Variants in CELSR2 observed in about 807,000 individuals in gnomAD.
CELSR2 encodes the protein cadherin EGF LAG seven-pass G-type receptor 2.
A neutral mutation model predicts 251.6 loss-of-function variants in CELSR2; 81 were observed. The observed-to-expected ratio is 0.32, with a 90% confidence interval of 0.27 to 0.39. The LOEUF is 0.39. Ranked by LOEUF, CELSR2 falls within the 10% of genes least tolerant of loss-of-function variation. The pLI is 1.00. For missense variants in CELSR2, 3,365 were observed against 3,947.7 expected (o/e 0.85, Z 3.96); for synonymous variants, 1,721 against 1,670.5 (o/e 1.03, Z -0.74).
rs1473629243 is a variant in CELSR2, at chr1:109,272,984, G to A, written c.8295G>A (p.Leu2765=). 6.2e-7 allele frequency: 1 copy of A among 1,613,810 alleles called. No individual in the cohort carries two copies. The highest frequency in any genetic ancestry group is 1.3e-5 in the African/African-American group (1 of 74,940). The part of the protein sequence containing the change: ...FPGEQGWDSL[L]GPGAERLPLH... ...GAGAGCAGGGCTGGGATAGCCTGCT[G>A]GGGCCTGGAGCAGAGAGACTGCCCC... Residue 2765 remains leucine, a synonymous_variant, in exon 31 of 34, where the codon CTG becomes CTA. Coordinates refer to ENST00000271332, the MANE Select transcript of CELSR2 (RefSeq NM_001408.3).
rs1656441815 is a variant in CELSR2, at chr1:109,273,650, T to C, written c.8724T>C (p.Asp2908=). 1.3e-6 allele frequency: 2 copies of C among 1,485,770 alleles called. No individual in the cohort carries two copies. The highest frequency in any genetic ancestry group is 1.8e-6 in the Non-Finnish European group (2 of 1,112,966). The allele number at this position is 1,485,770 out of a possible 1,614,324, so 92.0% of individuals were successfully genotyped here. The change falls in exon 33 of 34, where the codon GAT becomes GAC. Residue 2908 remains aspartate, a synonymous_variant. Transcript: ENST00000271332. ...IAMSIKAGTV[D]EDSSGSEFLF... ...TGAGCATCAAGGCAGGCACGGTGGA[T>C]GAGGACTCGTCAGGCTCCGAGTGAG...
At position 109,274,249 on chromosome 1, in the gene CELSR2, C is replaced by G. The variant is rs895314347; in HGVS notation, c.*200C>G. On this transcript the variant is annotated 3_prime_UTR_variant, in exon 34 of 34. Coordinates refer to ENST00000271332, the MANE Select transcript of CELSR2 (RefSeq NM_001408.3). ...GGCCATCTAGTGCCAACTCCCCCCC[C>G]ACCATTCCCCTCACTGCACTTTGGA... The G allele has an allele frequency of 2.5e-5, 34 of 1,336,414 alleles. No individual in the cohort carries two copies. The highest frequency in any genetic ancestry group is 7.4e-5 in the African/African-American group (5 of 68,014). The allele number at this position is 1,336,414 out of a possible 1,614,324, so 82.8% of individuals were successfully genotyped here.
rs756145637 is a variant in CELSR2 at position 109,253,037 on chromosome 1, C to T, written c.2958C>T (p.Tyr986=). 5.1e-5 allele frequency: 82 copies of T among 1,613,482 alleles called. No homozygotes were observed. Among genetic ancestry groups the T allele is most frequent in the South Asian group, 4.0e-4 (36 of 91,080 alleles). ...TGACAGCCCTGGTAGACTTAGACTA[C>T]GAGGACCGGCCTGAGTACGTCCTGG... is the stretch of plus-strand genomic sequence containing the variant. The part of the protein sequence containing the change: ...GELTALVDLD[Y]EDRPEYVLVI... Residue 986 remains tyrosine, a synonymous_variant, in exon 1 of 34, where the codon TAC becomes TAT. Transcript: ENST00000271332.
chr1:109,255,121 C>A (rs1655807983), intron 1 of CELSR2, among the ~76,000 whole-genome samples: 1 of 152,208 alleles, frequency 6.6e-6, no homozygotes, highest in Admixed American at 6.5e-5. Flanking sequence ...AGCTCTGGCC[C>A]CACCCTCTCC....
chr1:109,262,724 G>A (rs1441934696), intron 6 of CELSR2, 82 bp from the exon 7 acceptor site: 2 of 1,568,184 alleles, frequency 1.3e-6, no homozygotes, highest in African/African-American at 1.3e-5. Flanking sequence ...CGCCGTTCGT[G>A]TCTCTGGCCT....
At chr1:109,262,708 T>C in intron 6 of CELSR2, 98 bp from the exon 7 acceptor site, 1 of 1,548,574 alleles carries the variant, frequency 6.5e-7, no homozygotes. Context: ...CTTGGACACC[T>C]GCCTACGCCG....
intron 1 of CELSR2, among the ~76,000 whole-genome samples, chr1:109,254,966 T>G (rs879708331): frequency 2.6e-5 from 4 of 152,240 alleles, no homozygotes; most frequent in African/African-American, 9.6e-5. Context: ...ACACCCAGCC[T>G]GCCTTTGGTG....
At chr1:109,260,970 G>A (rs1656003375) in intron 2 of CELSR2, 72 bp from the exon 3 acceptor site, 3 of 1,207,498 alleles carry the variant, frequency 2.5e-6, no homozygotes, top group African/African-American at 3.0e-5. Flanking sequence ...AGCTATCACT[G>A]GGTTGTGGGG....
chr1:109,249,901 C>T lies in CELSR2; in HGVS notation c.-179C>T, dbSNP rs1375624130. Reference sequence around the variant, plus strand: ...TCAGGGGGCAGTGGGAGCCCGGGCTCGTCGGAGGGTGCAGCGCGGGGTCCC... The same window carrying T: ...TCAGGGGGCAGTGGGAGCCCGGGCTTGTCGGAGGGTGCAGCGCGGGGTCCC... On this transcript the variant is annotated 5_prime_UTR_variant, in exon 1 of 34. Coordinates refer to ENST00000271332, the MANE Select transcript of CELSR2 (RefSeq NM_001408.3). The T allele has an allele frequency of 2.3e-5, 10 of 436,826 alleles. No homozygotes were observed. The highest frequency in any genetic ancestry group is 3.4e-5 in the Non-Finnish European group (10 of 295,430). The allele number at this position is 436,826 out of a possible 1,614,324, so 27.1% of individuals were successfully genotyped here.
In CELSR2 at chr1:109,269,387, T is replaced by C. The variant is rs752375435; in HGVS notation, c.6813-37T>C. 2 of 1,610,902 alleles carry C rather than the reference T, an allele frequency of 1.2e-6. No individual in the cohort carries two copies. The highest frequency in any genetic ancestry group is 2.2e-5 in the South Asian group (2 of 90,874). On this transcript the variant is annotated intron_variant, in intron 20 of 33. Coordinates refer to ENST00000271332, the MANE Select transcript of CELSR2 (RefSeq NM_001408.3). The surrounding 1 kb of genome is among the most constrained non-coding windows in gnomAD (Gnocchi z 6.4). ...GGGGGCGTCTCCCCAGTCATGTGAC[T>C]GCCGTGGTGACTGTGCACCTGACTG... is the stretch of plus-strand genomic sequence containing the variant.
At position 109,264,140 on chromosome 1, in the gene CELSR2, T is replaced by C. The variant is rs1470683264; in HGVS notation, c.5064T>C (p.Arg1688=). The change falls in exon 10 of 34, where the codon CGT becomes CGC. Residue 1688 remains arginine, a synonymous_variant. Transcript: ENST00000271332. ...CAGGGCTTCAGGCCTCCTCTCTCCGTCTGGAGCCAGGCCGGGCCAATGACG... is the reference window on the plus strand; with the variant it reads ...CAGGGCTTCAGGCCTCCTCTCTCCGCCTGGAGCCAGGCCGGGCCAATGACG... ...EGTGLQASSL[R]LEPGRANDGD... 2 of 1,606,550 alleles carry C rather than the reference T, an allele frequency of 1.2e-6. No homozygotes were observed. The highest frequency in any genetic ancestry group is 1.7e-6 in the Non-Finnish European group (2 of 1,174,412).
chr1:109,271,396 C>G lies in CELSR2; in HGVS notation c.7687C>G (p.Gln2563Glu). The G allele has an allele frequency of 6.2e-7, 1 of 1,612,954 alleles. No homozygotes were observed. The highest frequency in any genetic ancestry group is 8.5e-7 in the Non-Finnish European group (1 of 1,179,774). The change falls in exon 27 of 34, where the codon CAG becomes GAG. Residue 2563 changes from glutamine (Q) to glutamate (E), a missense_variant. Gln to Glu is a conservative substitution (Grantham distance 29). Coordinates refer to ENST00000271332, the MANE Select transcript of CELSR2 (RefSeq NM_001408.3). ...FEKKGPVSGL[Q>E]PSFAVLLLLS... is the part of the protein sequence containing the mutation. ...TGTCCCTATCCCCAGCTCGGGCCTGCAGCCCTCCTTCGCCGTCCTCCTGCT... is the reference window on the plus strand; with the variant it reads ...TGTCCCTATCCCCAGCTCGGGCCTGGAGCCCTCCTTCGCCGTCCTCCTGCT...
intron 1 of CELSR2, among the ~76,000 whole-genome samples, chr1:109,258,228 G>A (rs1273721169): frequency 6.6e-6 from 1 of 152,152 alleles, no homozygotes; most frequent in Non-Finnish European, 1.5e-5. Context: ...GTGCATCAGC[G>A]ACAGAAGGTT....
Position 109,269,555 on chromosome 1 carries a change from C to G in CELSR2, c.6944C>G (p.Thr2315Ser). The G allele has an allele frequency of 6.2e-7, 1 of 1,614,122 alleles. No homozygotes were observed. Among genetic ancestry groups the G allele is most frequent in the Non-Finnish European group, 8.5e-7 (1 of 1,180,026 alleles). ...CGCCTGCTGGAGACAGAGGAGCGGACCAAGCCCATCTGTGTCTTCTGGAAC... is the reference window on the plus strand; with the variant it reads ...CGCCTGCTGGAGACAGAGGAGCGGAGCAAGCCCATCTGTGTCTTCTGGAAC... ...QFRLLETEER[T>S]KPICVFWNHS... The change falls in exon 21 of 34, where the codon ACC (threonine) becomes AGC (serine). Residue 2315 changes from threonine (T) to serine (S), a missense_variant. By Grantham distance (58) the Thr-to-Ser change is moderately conservative. This residue lies in a region of CELSR2 where 2,093 missense variants were observed against 2,382.8 expected (regional missense o/e 0.88). Coordinates refer to ENST00000271332, the MANE Select transcript of CELSR2 (RefSeq NM_001408.3). The surrounding 1 kb of genome is among the most constrained non-coding windows in gnomAD (Gnocchi z 6.4).
chr1:109,271,606 T>G lies in CELSR2; in HGVS notation c.7810T>G (p.Phe2604Val). ...GCTGCCTCTTGCCTGCCAGGGCCCCTTCATCTTCCTCTCCTATGTGGTGCT... is the reference window on the plus strand; with the variant it reads ...GCTGCCTCTTGCCTGCCAGGGCCCCGTCATCTTCCTCTCCTATGTGGTGCT... The part of the protein sequence containing the change: ...FATCNCIQGP[F>V]IFLSYVVLSK... The change falls in exon 28 of 34, where the codon TTC (phenylalanine) becomes GTC (valine). Residue 2604 changes from phenylalanine to valine, a missense_variant. Phe to Val is a conservative substitution (Grantham distance 50, BLOSUM62 -1). Coordinates refer to ENST00000271332, the MANE Select transcript of CELSR2 (RefSeq NM_001408.3). 6.2e-7 allele frequency: 1 copy of G among 1,614,094 alleles called. No individual in the cohort carries two copies. Among genetic ancestry groups the G allele is most frequent in the South Asian group, 1.1e-5 (1 of 91,076 alleles).
At position 109,275,380 on chromosome 1, in the gene CELSR2, C is replaced by T. The variant is rs1327704020; in HGVS notation, c.*1331C>T. The stretch of plus-strand genomic sequence containing the variant: ...CTCAGTTTTGCCGACTGCTTTTCAT[C>T]TGAGTCACCATTTACTCCAAGCATG... On this transcript the variant is annotated 3_prime_UTR_variant, in exon 34 of 34. Transcript: ENST00000271332. The T allele has an allele frequency of 6.6e-6, 1 of 152,240 alleles. No homozygotes were observed. The highest frequency in any genetic ancestry group is 1.5e-5 in the Non-Finnish European group (1 of 68,050). The allele number at this position is 152,240 out of a possible 1,614,324, so 9.4% of individuals were successfully genotyped here.
Position 109,274,261 on chromosome 1 carries a change from C to G in CELSR2, c.*212C>G. 1.6e-6 allele frequency: 2 copies of G among 1,265,508 alleles called. No homozygotes were observed. The highest frequency in any genetic ancestry group is 5.6e-5 in the Admixed American group (2 of 35,428). 78.4% of individuals were successfully genotyped at this position (1,265,508 alleles called of 1,614,324 possible). Reference sequence around the variant, plus strand: ...CCAACTCCCCCCCCACCATTCCCCTCACTGCACTTTGGACCCCTGGGGCCA... The same window carrying G: ...CCAACTCCCCCCCCACCATTCCCCTGACTGCACTTTGGACCCCTGGGGCCA... On this transcript the variant is annotated 3_prime_UTR_variant, in exon 34 of 34. Transcript: ENST00000271332.
rs1656297743 is a variant in CELSR2 at position 109,269,320 on chromosome 1, G to C, written c.6812+30G>C. The C allele has an allele frequency of 8.7e-6, 14 of 1,612,326 alleles. No individual in the cohort carries two copies. Among genetic ancestry groups the C allele is most frequent in the Non-Finnish European group, 1.2e-5 (14 of 1,179,648 alleles). On this transcript the variant is annotated intron_variant, in intron 20 of 33. Transcript: ENST00000271332. This position sits in a 1 kb window ranked among gnomAD's most constrained non-coding sequence, Gnocchi z 6.4. ...GCAGCTAGGGGACAGGTGTGGGTAG[G>C]GGTATGGGTCGGGCGGTGAGTGCTG... is the stretch of plus-strand genomic sequence containing the variant.
rs766391495 is a variant in CELSR2 at position 109,267,926 on chromosome 1, G to A, written c.6184G>A (p.Ala2062Thr). The part of the protein sequence containing the change: ...SQQLALLLRN[A>T]TQHTAGYFGS... ...GCAGCTAGCCCTGCTCCTGCGCAAC[G>A]CCACGCAGCACACAGCTGGCTACTT... The change falls in exon 17 of 34, where the codon GCC becomes ACC. Residue 2062 changes from alanine to threonine, a missense_variant. Transcript: ENST00000271332. The A allele has an allele frequency of 5.0e-6, 8 of 1,611,454 alleles. No individual in the cohort carries two copies. The highest frequency in any genetic ancestry group is 1.1e-5 in the South Asian group (1 of 91,074).
Sources: allele counts gnomAD v4.1 joint callset (sites outside exome capture counted in the v4.1 genomes callset), GRCh38; gene constraint gnomAD v4.1.1; regional missense constraint gnomAD v4.1.1; non-coding constraint Gnocchi (gnomAD v3.1); transcripts MANE v1.5; gene names NCBI Gene and HGNC (gene_info 2026-07-23, HGNC 2026-07-21).